SOX5: variants seen among roughly 807,000 people sequenced by gnomAD.
SOX5 encodes the protein transcription factor SOX-5.
SOX5 carries 9 observed loss-of-function variants against 92.0 expected under a neutral mutation model. The observed-to-expected ratio is 0.10, with a 90% CI of 0.06 to 0.17. The LOEUF (loss-of-function observed/expected upper bound fraction) is 0.17. Among genes scored for constraint, SOX5 ranks in the 10% least tolerant of loss-of-function variants. SOX5 has a pLI of 1.00. For synonymous variants in SOX5, 344 were observed against 336.3 expected, an observed-to-expected ratio of 1.02 and a Z score of -0.25; for missense variants, 642 against 944.5, an observed-to-expected ratio of 0.68 and a Z score of 4.20.
intron 4 of SOX5, among the ~76,000 whole-genome samples, chr12:23,960,795 G>T (rs533414104): frequency 6.6e-6 from 1 of 151,922 alleles, no homozygotes; most frequent in Non-Finnish European, 1.5e-5. Flanking sequence ...TTTTGCTTAT[G>T]TGTGGGTAAG....
At chr12:24,107,465 G>A (rs1377003300) in intron 4 of SOX5, among the ~76,000 whole-genome samples, 2 of 152,088 alleles carry the variant, frequency 1.3e-5, no homozygotes, top group Non-Finnish European at 2.9e-5. Flanking sequence ...TCTTTATAGG[G>A]TATACAGAAT....
intron 3 of SOX5, among the ~76,000 whole-genome samples, chr12:24,234,975 C>CA (rs1165492314): frequency 6.6e-6 from 1 of 152,120 alleles, no homozygotes; most frequent in Non-Finnish European, 1.5e-5. Flanking sequence ...TTATCTAACC[C>CA]AAATGTCAAC....
At chr12:24,338,481 A>G (rs1481614672) in intron 2 of SOX5, among the ~76,000 whole-genome samples, 4 of 152,178 alleles carry the variant, frequency 2.6e-5, no homozygotes, top group Non-Finnish European at 5.9e-5. Flanking sequence ...TACTTTTTGG[A>G]CCTGTAATTA....
At chr12:24,309,569 G>C (rs1948971628) in intron 2 of SOX5, among the ~76,000 whole-genome samples, 1 of 151,944 alleles carries the variant, frequency 6.6e-6, no homozygotes, top group Non-Finnish European at 1.5e-5. Context: ...TGTTTTTAAG[G>C]TACCCATTTT....
intron 3 of SOX5, among the ~76,000 whole-genome samples, chr12:24,214,734 C>T (rs1959033742): frequency 6.6e-6 from 1 of 152,076 alleles, no homozygotes; most frequent in Non-Finnish European, 1.5e-5. Context: ...CAGAATTCCA[C>T]TTCTGAAATA....
At chr12:24,508,078 G>A (rs904037294) in intron 1 of SOX5, among the ~76,000 whole-genome samples, 4 of 152,144 alleles carry the variant, frequency 2.6e-5, no homozygotes, top group Non-Finnish European at 5.9e-5. Flanking sequence ...CCAGGTTGCA[G>A]CAGCCTCAAG....
At position 24,269,606 on chromosome 12, in the gene SOX5, T is replaced by C. The variant is rs577552400; in HGVS notation, c.-77+7610A>G. On this transcript the variant is annotated intron_variant, in intron 3 of 4. Transcript: ENST00000446891. ...ATATATGTAAACGTCCATAACTTTA[T>C]AGTTCTCAAAACATTTTTATTCCAT... Among the ~76,000 whole-genome samples, 6 of 151,934 alleles carry C rather than the reference T, an allele frequency of 3.9e-5. No homozygotes were observed. In the South Asian group the frequency reaches 1.2e-3, roughly 32 times the overall value.
At chr12:23,907,085 A>C (rs2097302146) in intron 1 of SOX5, among the ~76,000 whole-genome samples, 1 of 152,168 alleles carries the variant, frequency 6.6e-6, no homozygotes, top group South Asian at 2.1e-4. Context: ...AAAAGGAATT[A>C]ATTCCATTTC....
chr12:24,164,888 G>A (rs963395879), intron 4 of SOX5, among the ~76,000 whole-genome samples: 3 of 151,948 alleles, frequency 2.0e-5, no homozygotes, highest in Non-Finnish European at 4.4e-5. Context: ...TGGAACTAAT[G>A]GCAATTTGTT....
chr12:23,888,103 C>T (rs2097090709), intron 2 of SOX5, among the ~76,000 whole-genome samples: 1 of 152,116 alleles, frequency 6.6e-6, no homozygotes, highest in Non-Finnish European at 1.5e-5. Flanking sequence ...TTGTGCTTCT[C>T]TTACCTTCAT....
intron 3 of SOX5, among the ~76,000 whole-genome samples, chr12:23,785,917 T>C (rs2095369331): frequency 6.6e-6 from 1 of 152,098 alleles, no homozygotes; most frequent in Non-Finnish European, 1.5e-5. Context: ...AAAATTTTTT[T>C]CCTCTCATTT....
chr12:24,509,826 CT>C (rs1406139842), intron 1 of SOX5, among the ~76,000 whole-genome samples: 1 of 152,166 alleles, frequency 6.6e-6, no homozygotes, highest in Admixed American at 6.5e-5. Context: ...TACTTTTGGT[CT>C]CAGCCACACA....
chr12:23,823,186 G>T (rs1344501350), intron 3 of SOX5, among the ~76,000 whole-genome samples: 1 of 152,074 alleles, frequency 6.6e-6, no homozygotes, highest in Non-Finnish European at 1.5e-5. Context: ...TTTGCCTATT[G>T]TTTGATGCAG....
intron 4 of SOX5, among the ~76,000 whole-genome samples, chr12:24,049,856 C>T (rs559555539): frequency 2.6e-5 from 4 of 151,250 alleles, no homozygotes; most frequent in East Asian, 1.9e-4. Context: ...TTGTGATTGT[C>T]GGAGGGAAGT....
At chr12:23,806,009 G>A (rs2095763406) in intron 3 of SOX5, among the ~76,000 whole-genome samples, 1 of 152,082 alleles carries the variant, frequency 6.6e-6, no homozygotes, top group South Asian at 2.1e-4. Flanking sequence ...ATAAAATTAG[G>A]AATATGCTAA....
At chr12:24,214,916 C>T (rs1174400383) in intron 3 of SOX5, among the ~76,000 whole-genome samples, 1 of 151,928 alleles carries the variant, frequency 6.6e-6, no homozygotes. Context: ...CACTCTATAA[C>T]CAAGTAGGAT....
intron 3 of SOX5, among the ~76,000 whole-genome samples, chr12:23,768,549 A>C (rs1241865039): frequency 6.6e-6 from 1 of 152,200 alleles, no homozygotes; most frequent in Non-Finnish European, 1.5e-5. Flanking sequence ...TTTAAATGAA[A>C]CATTGCTAGT....
chr12:23,791,967 G>T (rs1275010399), intron 3 of SOX5, among the ~76,000 whole-genome samples: 1 of 151,684 alleles, frequency 6.6e-6, no homozygotes, highest in Non-Finnish European at 1.5e-5. Flanking sequence ...ATTAGTAGGG[G>T]ATATAGAGTA....
intron 1 of SOX5, among the ~76,000 whole-genome samples, chr12:24,448,692 G>T (rs1330753521): frequency 6.6e-6 from 1 of 151,994 alleles, no homozygotes; most frequent in South Asian, 2.1e-4. Context: ...AGATACTTTT[G>T]CTTGCTTATC....
Sources: gnomAD v4.1 joint callset for allele counts (sites outside exome capture counted in the v4.1 genomes callset) on GRCh38, gnomAD v4.1.1 for gene constraint, MANE v1.5 for transcripts, NCBI Gene and HGNC (gene_info 2026-07-23, HGNC 2026-07-21) for gene names.